The following TEP1 variants were observed in gnomAD, a reference collection of about 807,000 sequenced individuals.
TEP1 encodes telomerase protein component 1.
A neutral mutation model predicts 306.3 loss-of-function variants in TEP1; 241 were observed. The ratio of observed to expected loss-of-function variants is 0.79; its 90% CI spans 0.71 to 0.88. The LOEUF is 0.88. Among genes scored for constraint, TEP1 ranks in the 40% least tolerant of loss-of-function variants. The pLI is 0.00. For synonymous variants in TEP1, 1,289 were observed against 1,305.5 expected (o/e 0.99, Z 0.27); for missense variants, 3,051 against 3,276.1 (o/e 0.93, Z 1.68).
chr14:20,400,869 A>G (rs1878655026), intron 9 of TEP1, 115 bp downstream of exon 9: 2 of 1,314,370 alleles, frequency 1.5e-6, no homozygotes, highest in Non-Finnish European at 2.1e-6. Context: ...CAAATACAAC[A>G]ACCAGGCAAA....
Position 20,382,270 on chromosome 14 carries a change from A to G in TEP1, c.4227T>C (p.Pro1409=), listed in dbSNP as rs1222072539. 6.2e-7 allele frequency: 1 copy of G among 1,614,114 alleles called. No homozygotes were observed. Among genetic ancestry groups the G allele is most frequent in the Non-Finnish European group, 8.5e-7 (1 of 1,180,018 alleles). The change falls in exon 29 of 55, where the codon CCT becomes CCC. Residue 1409 remains proline (P), a synonymous_variant. Transcript: ENST00000262715. The stretch of plus-strand genomic sequence containing the variant: ...CAGTCAAGGCCTGGGGAAGGACATC[A>G]GGCCCGTGCTCCTTCTCCAGTGTGC... ...ILSTLEKEHG[P]DVLPQALTAL...
chr14:20,399,448 G>T (rs1282735514), intron 9 of TEP1, among the ~76,000 whole-genome samples: 3 of 151,844 alleles, frequency 2.0e-5, no homozygotes, highest in Non-Finnish European at 2.9e-5. Flanking sequence ...TTATTAATGA[G>T]ATCTGTGGTC....
chr14:20,391,325 G>A (rs1877704424), intron 13 of TEP1, among the ~76,000 whole-genome samples: 1 of 152,220 alleles, frequency 6.6e-6, no homozygotes, highest in South Asian at 2.1e-4. Flanking sequence ...ATGTAGTGAG[G>A]TGAAAGTGAG....
intron 2 of TEP1, among the ~76,000 whole-genome samples, chr14:20,406,613 C>A (rs1257825319): frequency 6.6e-6 from 1 of 152,210 alleles, no homozygotes; most frequent in Non-Finnish European, 1.5e-5. Flanking sequence ...TCAGAGCCTT[C>A]GCCCACATGC....
intron 2 of TEP1, among the ~76,000 whole-genome samples, chr14:20,407,583 C>T (rs547961147): frequency 2.7e-4 from 41 of 152,340 alleles, no homozygotes; most frequent in South Asian, 1.4e-3. Context: ...TCAAGTGATC[C>T]GCCCGCCTTG....
rs780468943 is a variant in TEP1, at chr14:20,406,253, G to A, written c.715C>T (p.His239Tyr). The change falls in exon 3 of 55, where the codon CAT becomes TAT. Residue 239 changes from histidine to tyrosine, a missense_variant. Physicochemically the swap from His to Tyr is moderately conservative, Grantham distance 83. This residue lies in a region of TEP1 where 1,507 missense variants were observed against 1,550.5 expected (regional missense o/e 0.97). Coordinates refer to ENST00000262715, the MANE Select transcript of TEP1 (RefSeq NM_007110.5). ...TTTACCTTCTTTTCCTGAAGGACAT[G>A]GTCAGTAGGCTCTGGATGAGATTCA... ...DSESHPEPTDHVLQEKKMALL... is the reference protein window; with the variant it reads ...DSESHPEPTDYVLQEKKMALL... 12 of 1,613,960 alleles carry A rather than the reference G, an allele frequency of 7.4e-6. No homozygotes were observed. In the South Asian group the frequency reaches 1.2e-4, roughly 16 times the overall value.
intron 15 of TEP1, among the ~76,000 whole-genome samples, 155 bp downstream of exon 15, chr14:20,390,526 C>T (rs928386723): frequency 6.6e-6 from 1 of 152,200 alleles, no homozygotes; most frequent in Non-Finnish European, 1.5e-5. Flanking sequence ...AGATATTCAG[C>T]AGCACACCAC....
Position 20,367,467 on chromosome 14 carries a change from TGAGA to T in TEP1, c.*966_*969del, listed in dbSNP as rs1270211227. On this transcript the variant is annotated 3_prime_UTR_variant, in exon 55 of 55. Coordinates refer to ENST00000262715, the MANE Select transcript of TEP1 (RefSeq NM_007110.5). ...GTTTTAATCTTTGTGAATTTCAATT[TGAGA>T]GAGAGTAAGACACTTTCGTGATCTC... 2 of 152,192 alleles carry T rather than the reference TGAGA, an allele frequency of 1.3e-5. No individual in the cohort carries two copies. The highest frequency in any genetic ancestry group is 1.3e-4 in the Admixed American group (2 of 15,280). 9.4% of individuals were successfully genotyped at this position (152,192 alleles called of 1,614,324 possible).
rs1283084841 is a variant in TEP1 at position 20,373,312 on chromosome 14, C to CA, written c.6771dup (p.Glu2258Ter). 1 of 1,614,080 alleles carries CA rather than the reference C, an allele frequency of 6.2e-7. No homozygotes were observed. Among genetic ancestry groups the CA allele is most frequent in the East Asian group, 2.2e-5 (1 of 44,896 alleles). ...TGCCAGAGCCGTACAGAACCATCCTCAGAGGCGGTCAGCATGAGGCCTGAG... is the reference window on the plus strand; with the variant it reads ...TGCCAGAGCCGTACAGAACCATCCTCAAGAGGCGGTCAGCATGAGGCCTGAG... On this transcript the variant is annotated frameshift_variant, in exon 47 of 55. Transcript: ENST00000262715. LOFTEE classifies it high-confidence loss of function.
chr14:20,401,382 G>A lies in TEP1; in HGVS notation c.1391+75C>T, dbSNP rs143498164. The A allele has an allele frequency of 6.3e-4, 1,007 of 1,587,076 alleles. 6 individuals are homozygous for A. In the African/African-American group the frequency reaches 8.7e-3, roughly 14 times the overall value. On this transcript the variant is annotated intron_variant, in intron 8 of 54. Coordinates refer to ENST00000262715, the MANE Select transcript of TEP1 (RefSeq NM_007110.5). Reference sequence around the variant, plus strand: ...CATGTTGCTGGGTTTGAGAACTACTGGGATGGGGGCCACGGATGTTGAAAA... The same window carrying A: ...CATGTTGCTGGGTTTGAGAACTACTAGGATGGGGGCCACGGATGTTGAAAA...
rs112024184 is a variant in TEP1, at chr14:20,368,764, G to GCACACACACACACACA, written c.7761+18_7761+33dup. ...CTTTGGGATAGGTGTGCAGGCGCAC[G>GCACACACACACACACA]CACACACACACACACACACACACAC... On this transcript the variant is annotated intron_variant, in intron 54 of 54. Transcript: ENST00000262715. The GCACACACACACACACA allele has an allele frequency of 2.9e-4, 386 of 1,344,278 alleles. 1 individual carries two copies. The highest frequency in any genetic ancestry group is 1.7e-3 in the South Asian group (142 of 81,824). 83.3% of individuals were successfully genotyped at this position (1,344,278 alleles called of 1,614,324 possible). A position where few individuals can be genotyped will look rare whatever the true frequency, so the allele number is the denominator to read the frequency against.
At chr14:20,379,127 C>T (rs754568121) in intron 35 of TEP1, 22 bp from the exon 36 acceptor site, 69 of 1,612,148 alleles carry the variant, frequency 4.3e-5, no homozygotes, top group South Asian at 2.0e-4. Flanking sequence ...GGTGAGGGAG[C>T]GCAGCTCAGG....
Position 20,386,690 on chromosome 14 carries a change from T to G in TEP1, c.2685-67A>C, listed in dbSNP as rs1264473358. On this transcript the variant is annotated intron_variant, in intron 18 of 54. Coordinates refer to ENST00000262715, the MANE Select transcript of TEP1 (RefSeq NM_007110.5). ...CCCACCCCCCATCCATAGACACTGC[T>G]GTGATCACCCTTTAGCACTGAGCAC... is the stretch of plus-strand genomic sequence containing the variant. 38 of 1,475,288 alleles carry G rather than the reference T, an allele frequency of 2.6e-5. No individual in the cohort carries two copies. In the Admixed American group the frequency reaches 5.0e-4, roughly 19 times the overall value. 91.4% of individuals were successfully genotyped at this position (1,475,288 alleles called of 1,614,324 possible).
chr14:20,393,870 T>G (rs1594358508), intron 12 of TEP1, among the ~76,000 whole-genome samples: 1 of 151,750 alleles, frequency 6.6e-6, no homozygotes, highest in Non-Finnish European at 1.5e-5. Context: ...TTGGATCGCT[T>G]GAGCTCAGGG....
chr14:20,396,879 A>T, intron 9 of TEP1, 149 bp from the exon 10 acceptor site: 1 of 490,440 alleles, frequency 2.0e-6, no homozygotes, highest in East Asian at 3.1e-5. Context: ...TGGGCAACAT[A>T]GCAAGACTGT....
chr14:20,379,033 G>T lies in TEP1; in HGVS notation c.5200C>A (p.Leu1734Ile). ...TCCAGGAGCCCGTCGAAGGCAGTAA[G>T]AAAGAGTGTATCATCGGAGAGGAAC... is the stretch of plus-strand genomic sequence containing the variant. ...CLFLSDDTLF[L>I]TAFDGLLELW... The change falls in exon 36 of 55, where the codon CTT becomes ATT. Residue 1734 changes from leucine (L) to isoleucine (I), a missense_variant. By Grantham distance (5) the Leu-to-Ile change is conservative (BLOSUM62 2). This residue lies in a region of TEP1 where 1,540 missense variants were observed against 1,705.9 expected (regional missense o/e 0.90). Transcript: ENST00000262715. The T allele has an allele frequency of 6.2e-7, 1 of 1,614,218 alleles. No individual in the cohort carries two copies. Among genetic ancestry groups the T allele is most frequent in the Non-Finnish European group, 8.5e-7 (1 of 1,180,032 alleles).
intron 41 of TEP1, 83 bp downstream of exon 41, chr14:20,377,196 CA>C (rs1316402741): frequency 8.5e-5 from 101 of 1,182,070 alleles, no homozygotes; most frequent in Non-Finnish European, 1.1e-4. Context: ...GCCTGGGCAA[CA>C]AGAGTGAAGC....
chr14:20,382,501 G>A (rs1432474601), intron 28 of TEP1, 122 bp downstream of exon 28: 1 of 1,526,658 alleles, frequency 6.6e-7, no homozygotes, highest in East Asian at 2.3e-5. Context: ...GGCGAGGTAT[G>A]AGGCGAGGAT....
intron 1 of TEP1, among the ~76,000 whole-genome samples, chr14:20,410,802 G>GTTTTTTTTTTTTTTTT (rs61662364): frequency 1.8e-3 from 45 of 25,216 alleles, no homozygotes; most frequent in East Asian, 3.7e-3. Context: ...CTCCTTTGTG[G>GTTTTTTTTTTTTTTTT]TTTTTTTTTT....
Sources: allele counts gnomAD v4.1 joint callset (sites outside exome capture counted in the v4.1 genomes callset), GRCh38; gene constraint gnomAD v4.1.1; regional missense constraint gnomAD v4.1.1; transcripts MANE v1.5; gene names NCBI Gene and HGNC (gene_info 2026-07-23, HGNC 2026-07-21).